Variants in DOK6 observed in about 807,000 individuals in gnomAD.
DOK6 encodes downstream of tyrosine kinase 6.
Under a neutral mutation model 44.0 loss-of-function variants are expected in DOK6, and 22 were observed. The observed-to-expected ratio is 0.50, with a 90% CI of 0.36 to 0.71. DOK6 has a LOEUF of 0.71. DOK6 is among the 30% of genes least tolerant of loss of function. The pLI, the probability that DOK6 is intolerant of heterozygous loss-of-function variation, is 0.00. For synonymous variants in DOK6, 166 were observed against 145.5 expected, an observed-to-expected ratio of 1.14 and a Z score of -1.01; for missense variants, 340 against 416.4, an observed-to-expected ratio of 0.82 and a Z score of 1.60.
At chr18:69,487,570 G>A (rs781481599) in intron 1 of DOK6, among the ~76,000 whole-genome samples, 3 of 152,214 alleles carry the variant, frequency 2.0e-5, no homozygotes, top group Admixed American at 6.5e-5. Flanking sequence ...TAAACTTTTA[G>A]TGCTGACTTT....
chr18:69,774,350 C>T (rs1979996725), intron 7 of DOK6, among the ~76,000 whole-genome samples: 2 of 150,972 alleles, frequency 1.3e-5, no homozygotes, highest in African/African-American at 4.9e-5. Flanking sequence ...TTTGGGGACT[C>T]AGGGGAAAAG....
chr18:69,639,882 G>A (rs1236041016), intron 3 of DOK6, among the ~76,000 whole-genome samples: 1 of 152,122 alleles, frequency 6.6e-6, no homozygotes, highest in African/African-American at 2.4e-5. Context: ...AGCTAAGCAA[G>A]AGTGGAATTA....
chr18:69,783,596 A>C (rs1980342527), intron 7 of DOK6, among the ~76,000 whole-genome samples: 1 of 152,048 alleles, frequency 6.6e-6, no homozygotes, highest in African/African-American at 2.4e-5. Context: ...GTTCCACATG[A>C]CCTCTGGATT....
chr18:69,583,209 C>A (rs750365193), intron 2 of DOK6, among the ~76,000 whole-genome samples: 2 of 152,174 alleles, frequency 1.3e-5, no homozygotes, highest in Non-Finnish European at 2.9e-5. Context: ...CTCATTGATG[C>A]CTACCCTCAT....
chr18:69,480,842 G>A (rs8082973), intron 1 of DOK6, among the ~76,000 whole-genome samples: 36,158 of 152,032 alleles, frequency 0.24, 4,632 homozygotes, highest in East Asian at 0.53. Flanking sequence ...TTTACTTTTC[G>A]GGCAATGGAG....
Position 69,463,979 on chromosome 18 carries a change from A to G in DOK6, c.66+62669A>G, listed in dbSNP as rs1206811190. Among the ~76,000 whole-genome samples, 5 of 152,194 alleles carry G rather than the reference A, an allele frequency of 3.3e-5. No homozygotes were observed. The East Asian group carries it at 9.6e-4, about 29-fold the overall frequency. On this transcript the variant is annotated intron_variant, in intron 1 of 7. Coordinates refer to ENST00000382713, the MANE Select transcript of DOK6 (RefSeq NM_152721.6). ...TGATATTTACTATTGACTTTTGTCA[A>G]TATTTTGTTACTTAAATTGCTCCCT...
intron 1 of DOK6, among the ~76,000 whole-genome samples, chr18:69,503,329 T>C (rs912350521): frequency 6.6e-6 from 1 of 152,090 alleles, no homozygotes; most frequent in African/African-American, 2.4e-5. Context: ...ACTAGGATAA[T>C]TGACTAGTGA....
At chr18:69,651,862 T>A (rs531515883) in intron 3 of DOK6, among the ~76,000 whole-genome samples, 1 of 152,172 alleles carries the variant, frequency 6.6e-6, no homozygotes, top group African/African-American at 2.4e-5. Flanking sequence ...CTGACCTCCA[T>A]TGGTTAAATA....
At chr18:69,660,986 A>T (rs1158075447) in intron 3 of DOK6, 1 of 152,152 alleles carries the variant, frequency 6.6e-6, no homozygotes, top group Admixed American at 6.6e-5. Flanking sequence ...GATATTTCTT[A>T]TGCTTTGATT....
Position 69,421,572 on chromosome 18 carries a change from G to A in DOK6, c.66+20262G>A, listed in dbSNP as rs552676598. Among the ~76,000 whole-genome samples, 5 of 152,200 alleles carry A rather than the reference G, an allele frequency of 3.3e-5. No individual in the cohort carries two copies. The South Asian group carries it at 6.2e-4, about 19-fold the overall frequency. ...TATACCATTTTACCTATTGATATTG[G>A]TATTTCTAAACAAGAAATACAGATT... is the stretch of plus-strand genomic sequence containing the variant. On this transcript the variant is annotated intron_variant, in intron 1 of 7. Transcript: ENST00000382713.
At chr18:69,504,812 T>C (rs1175382029) in intron 1 of DOK6, among the ~76,000 whole-genome samples, 4 of 152,214 alleles carry the variant, frequency 2.6e-5, no homozygotes, top group Non-Finnish European at 4.4e-5. Context: ...CTTTTGTGAT[T>C]CCACGAGAGC....
intron 7 of DOK6, among the ~76,000 whole-genome samples, chr18:69,825,520 C>T (rs1981716400): frequency 7.1e-6 from 1 of 140,764 alleles, no homozygotes; most frequent in Non-Finnish European, 1.5e-5. Flanking sequence ...ACTGCAACCT[C>T]TGCCTCCTGG....
intron 5 of DOK6, among the ~76,000 whole-genome samples, chr18:69,708,569 G>T (rs1986687444): frequency 6.6e-6 from 1 of 152,146 alleles, no homozygotes; most frequent in Non-Finnish European, 1.5e-5. Flanking sequence ...GGGGGATCAT[G>T]ATGTCAGGAG....
At chr18:69,620,516 C>T (rs185678082) in intron 3 of DOK6, among the ~76,000 whole-genome samples, 5 of 152,032 alleles carry the variant, frequency 3.3e-5, no homozygotes, top group Non-Finnish European at 7.4e-5. Context: ...TTTGAGAGGA[C>T]GGATCAAGGG....
At chr18:69,740,891 A>C (rs1454311560) in intron 6 of DOK6, among the ~76,000 whole-genome samples, 1 of 152,248 alleles carries the variant, frequency 6.6e-6, no homozygotes, top group Non-Finnish European at 1.5e-5. Context: ...CAATCTTTCA[A>C]GTATTTCTAA....
chr18:69,472,998 G>T (rs1378804886), intron 1 of DOK6, among the ~76,000 whole-genome samples: 1 of 152,144 alleles, frequency 6.6e-6, no homozygotes, highest in Non-Finnish European at 1.5e-5. Flanking sequence ...TTGTTTCATA[G>T]CAGTGCTAAT....
intron 1 of DOK6, among the ~76,000 whole-genome samples, chr18:69,490,565 A>G (rs1179963217): frequency 6.6e-5 from 10 of 152,170 alleles, no homozygotes. Flanking sequence ...GCTAGAAAAT[A>G]CTTTTTTATT....
intron 3 of DOK6, among the ~76,000 whole-genome samples, chr18:69,672,633 C>T (rs1368373211): frequency 6.9e-6 from 1 of 144,356 alleles, no homozygotes; most frequent in Non-Finnish European, 1.5e-5. Flanking sequence ...GCTGGGATTA[C>T]AGGCGTGAGC....
At chr18:69,467,085 G>A (rs1979949791) in intron 1 of DOK6, among the ~76,000 whole-genome samples, 1 of 152,000 alleles carries the variant, frequency 6.6e-6, no homozygotes, top group Non-Finnish European at 1.5e-5. Context: ...TTTTTGTAAG[G>A]ATCAATTCTG....
Sources: gnomAD v4.1 joint callset for allele counts (sites outside exome capture counted in the v4.1 genomes callset) on GRCh38, gnomAD v4.1.1 for gene constraint, MANE v1.5 for transcripts, NCBI Gene and HGNC (gene_info 2026-07-23, HGNC 2026-07-21) for gene names.